Variants in CDH13 observed in about 807,000 individuals in gnomAD.
CDH13 encodes cadherin-13.
In CDH13, 24 loss-of-function variants were observed where a neutral mutation model predicts 63.8. The observed-to-expected ratio is 0.38, with a 90% CI of 0.27 to 0.53. The LOEUF is 0.53. Ranked by LOEUF, CDH13 falls within the 20% of genes least tolerant of loss-of-function variation. The pLI is 0.85. For missense variants in CDH13, 1,049 were observed against 903.1 expected (o/e 1.16, Z -2.07); for synonymous variants, 503 against 355.3 (o/e 1.42, Z -4.67).
At chr16:83,701,979 G>A (rs1307523343) in intron 10 of CDH13, among the ~76,000 whole-genome samples, 1 of 152,202 alleles carries the variant, frequency 6.6e-6, no homozygotes, top group African/African-American at 2.4e-5. Flanking sequence ...TTCTCTCCAG[G>A]TGTAAAGGGA....
intron 11 of CDH13, among the ~76,000 whole-genome samples, chr16:83,758,861 C>A (rs1001378217): frequency 6.6e-6 from 1 of 152,112 alleles, no homozygotes; most frequent in Non-Finnish European, 1.5e-5. Context: ...CAAATGACTG[C>A]CTAAGATAAT....
intron 7 of CDH13, among the ~76,000 whole-genome samples, chr16:83,588,780 T>G (rs1276874960): frequency 2.6e-5 from 4 of 152,220 alleles, no homozygotes; most frequent in Admixed American, 2.0e-4. Flanking sequence ...GGAAATATTT[T>G]CCAGAGAAAT....
chr16:83,548,788 C>A (rs1305157608), intron 7 of CDH13, among the ~76,000 whole-genome samples: 1 of 152,128 alleles, frequency 6.6e-6, no homozygotes, highest in Non-Finnish European at 1.5e-5. Context: ...CCTTCCAACC[C>A]CCTGCCTTCC....
intron 10 of CDH13, among the ~76,000 whole-genome samples, chr16:83,720,631 T>C (rs1269675106): frequency 1.3e-5 from 2 of 151,118 alleles, no homozygotes; most frequent in African/African-American, 4.9e-5. Flanking sequence ...AGCCAATGTA[T>C]CATTTCAGGC....
At chr16:82,938,784 TG>T (rs1303746162) in intron 2 of CDH13, among the ~76,000 whole-genome samples, 1 of 152,218 alleles carries the variant, frequency 6.6e-6, no homozygotes, top group Non-Finnish European at 1.5e-5. Flanking sequence ...AGTTTAATCC[TG>T]TAAGAAAACT....
intron 6 of CDH13, among the ~76,000 whole-genome samples, chr16:83,391,569 G>A (rs1374090004): frequency 6.6e-6 from 1 of 152,144 alleles, no homozygotes; most frequent in Non-Finnish European, 1.5e-5. Flanking sequence ...ATTTAGAATA[G>A]GAGGTCTAGG....
At chr16:82,677,487 C>G (rs560958195) in intron 1 of CDH13, among the ~76,000 whole-genome samples, 6 of 142,540 alleles carry the variant, frequency 4.2e-5, no homozygotes, top group South Asian at 2.3e-4. Context: ...TTATGAAATC[C>G]CCACTGCTGA....
At chr16:83,177,205 C>A (rs2038164494) in intron 4 of CDH13, among the ~76,000 whole-genome samples, 1 of 152,144 alleles carries the variant, frequency 6.6e-6, no homozygotes, top group Non-Finnish European at 1.5e-5. Flanking sequence ...CTCTGAGACT[C>A]AAATACTCAG....
At chr16:82,687,622 A>T (rs527770275) in intron 1 of CDH13, among the ~76,000 whole-genome samples, 1 of 151,888 alleles carries the variant, frequency 6.6e-6, no homozygotes, top group East Asian at 1.9e-4. Context: ...GCATGGGAAA[A>T]CCCTGCCCCC....
At chr16:82,995,259 C>G (rs1030863789) in intron 2 of CDH13, among the ~76,000 whole-genome samples, 1 of 152,188 alleles carries the variant, frequency 6.6e-6, no homozygotes, top group Non-Finnish European at 1.5e-5. Flanking sequence ...CGTTTTGCAA[C>G]AGCAGATTTT....
chr16:83,513,893 C>T lies in CDH13; in HGVS notation c.960+27238C>T, dbSNP rs544699115. Among the ~76,000 whole-genome samples, 4 of 152,228 alleles carry T rather than the reference C, an allele frequency of 2.6e-5. No individual in the cohort carries two copies. The South Asian group carries it at 8.3e-4, about 32-fold the overall frequency. On this transcript the variant is annotated intron_variant, in intron 7 of 13. Transcript: ENST00000567109. ...CTAGTCCCCAAGTAGCTGATAAAAA[C>T]ATAGACAAAAATTATAGAGAATGAA...
At chr16:82,843,181 C>T (rs761927163) in intron 1 of CDH13, among the ~76,000 whole-genome samples, 3 of 152,162 alleles carry the variant, frequency 2.0e-5, no homozygotes, top group Non-Finnish European at 4.4e-5. Flanking sequence ...CTATAATGTT[C>T]TGTGTTTCTT....
At chr16:82,650,452 G>T (rs1910595024) in intron 1 of CDH13, among the ~76,000 whole-genome samples, 1 of 152,114 alleles carries the variant, frequency 6.6e-6, no homozygotes, top group South Asian at 2.1e-4. Context: ...TATCATTGAT[G>T]CTTGGAGAAG....
At chr16:83,610,578 C>T (rs558398858) in intron 8 of CDH13, among the ~76,000 whole-genome samples, 1 of 152,230 alleles carries the variant, frequency 6.6e-6, no homozygotes, top group South Asian at 2.1e-4. Context: ...CTATTTTTAC[C>T]TTATTTATAT....
Position 83,741,610 on chromosome 16 carries a change from G to A in CDH13, c.1539-6498G>A, listed in dbSNP as rs762788260. 7.9e-5 allele frequency among the ~76,000 whole-genome samples: 12 copies of A among 151,918 alleles called. No individual in the cohort carries two copies. In the South Asian group the frequency reaches 1.0e-3, roughly 13 times the overall value. ...ATCTCCCTATATATAAATTTGATAC[G>A]TATATAATCTGTGCCATGTCTAGTG... is the stretch of plus-strand genomic sequence containing the variant. On this transcript the variant is annotated intron_variant, in intron 10 of 13. Transcript: ENST00000567109.
intron 3 of CDH13, among the ~76,000 whole-genome samples, chr16:83,123,925 G>T (rs889061241): frequency 2.6e-5 from 4 of 152,130 alleles, no homozygotes; most frequent in Non-Finnish European, 5.9e-5. Flanking sequence ...ATATCGCATT[G>T]TCGTTTCAAT....
intron 2 of CDH13, among the ~76,000 whole-genome samples, chr16:82,948,883 A>G (rs1198666179): frequency 6.6e-6 from 1 of 152,212 alleles, no homozygotes; most frequent in Non-Finnish European, 1.5e-5. Context: ...AATGAGGACC[A>G]GAAGGAAAGA....
At chr16:83,647,312 C>G in intron 8 of CDH13, among the ~76,000 whole-genome samples, 1 of 86,416 alleles carries the variant, frequency 1.2e-5, no homozygotes, top group South Asian at 3.8e-4. Flanking sequence ...GACTCTGTCT[C>G]AAAAAAAAAA....
chr16:82,996,299 T>C (rs1293556536), intron 2 of CDH13, among the ~76,000 whole-genome samples: 1 of 152,136 alleles, frequency 6.6e-6, no homozygotes, highest in Non-Finnish European at 1.5e-5. Flanking sequence ...CCTCTCCCAG[T>C]GGCCTCTACC....
Sources: gnomAD v4.1 joint callset for allele counts (sites outside exome capture counted in the v4.1 genomes callset) on GRCh38, gnomAD v4.1.1 for gene constraint, MANE v1.5 for transcripts, NCBI Gene and HGNC (gene_info 2026-07-23, HGNC 2026-07-21) for gene names.